DYNC2I1: variants seen among roughly 807,000 people sequenced by gnomAD.
DYNC2I1 encodes the protein dynein 2 intermediate chain 1.
A neutral mutation model predicts 133.4 loss-of-function variants in DYNC2I1; 89 were observed. The ratio of observed to expected loss-of-function variants is 0.67; its 90% CI spans 0.56 to 0.80. The LOEUF (loss-of-function observed/expected upper bound fraction) is 0.80, where lower values mean the gene tolerates loss of function less well. Ranked by LOEUF, DYNC2I1 falls within the 30% of genes least tolerant of loss-of-function variation. The pLI, the probability that DYNC2I1 is intolerant of heterozygous loss-of-function variation, is 0.00. For synonymous variants in DYNC2I1, 504 were observed against 484.3 expected (o/e 1.04, Z -0.54); for missense variants, 1,291 against 1,314.5 (o/e 0.98, Z 0.28).
At chr7:158,935,770 A>G (rs1261896147) in intron 23 of DYNC2I1, among the ~76,000 whole-genome samples, 1 of 152,246 alleles carries the variant, frequency 6.6e-6, no homozygotes, top group Non-Finnish European at 1.5e-5. Context: ...AAAAGAATGT[A>G]AAATGTCTCT....
intron 23 of DYNC2I1, among the ~76,000 whole-genome samples, chr7:158,938,307 G>A (rs972836582): frequency 6.6e-6 from 1 of 152,226 alleles, no homozygotes; most frequent in African/African-American, 2.4e-5. Flanking sequence ...CCAGGAGGGA[G>A]TAGAGTGACA....
downstream of DYNC2I1, among the ~76,000 whole-genome samples, chr7:158,947,150 C>T (rs10256002): frequency 7.8e-3 from 1,193 of 152,332 alleles, 10 homozygotes; most frequent in African/African-American, 0.023. Flanking sequence ...GTTCATCTTC[C>T]GTCTGCATCT....
the DYNC2I1 span, among the ~76,000 whole-genome samples, chr7:158,842,111 C>T: frequency 6.6e-6 from 1 of 152,202 alleles, no homozygotes; most frequent in Non-Finnish European, 1.5e-5. Context: ...TCACTGCAAG[C>T]TCCGCCTCCA....
At chr7:158,948,564 G>C (rs918573316), downstream of DYNC2I1, among the ~76,000 whole-genome samples, 3 of 134,814 alleles carry the variant, frequency 2.2e-5, no homozygotes, top group Admixed American at 7.5e-5. Context: ...GGGTGCTTCG[G>C]ACACGGGAGG....
chr7:158,947,475 T>C (rs2527204), downstream of DYNC2I1, among the ~76,000 whole-genome samples: 73,851 of 152,184 alleles, frequency 0.49, 18,510 homozygotes, highest in Non-Finnish European at 0.54. Flanking sequence ...TCAGCTATCA[T>C]CTGCAGTTCA....
At chr7:158,916,366 C>A (rs71547579) in intron 14 of DYNC2I1, among the ~76,000 whole-genome samples, 637 of 68,206 alleles carry the variant, frequency 9.3e-3, no homozygotes, top group Admixed American at 0.025. Context: ...TGTGAAACGT[C>A]GACACGCTGG....
At chr7:158,909,853 G>A (rs1183462759) in intron 11 of DYNC2I1, among the ~76,000 whole-genome samples, 3 of 152,178 alleles carry the variant, frequency 2.0e-5, no homozygotes, top group Non-Finnish European at 2.9e-5. Context: ...GAGCCTTCCG[G>A]TGGGAGAATT....
At chr7:158,917,222 G>C (rs903388830) in intron 14 of DYNC2I1, among the ~76,000 whole-genome samples, 1 of 112,564 alleles carries the variant, frequency 8.9e-6, no homozygotes, top group African/African-American at 3.6e-5. Flanking sequence ...TTGAGATTAA[G>C]GATGATTGTG....
intron 11 of DYNC2I1, among the ~76,000 whole-genome samples, chr7:158,911,317 G>A (rs1847449525): frequency 1.3e-5 from 2 of 152,112 alleles, no homozygotes; most frequent in Admixed American, 6.5e-5. Flanking sequence ...ACACACACAC[G>A]AGGCAGTCGG....
chr7:158,953,476 G>C (rs770279645), intron 4 of DYNC2I1, among the ~76,000 whole-genome samples: 2 of 152,220 alleles, frequency 1.3e-5, no homozygotes, highest in Non-Finnish European at 2.9e-5. Flanking sequence ...ATGGTACTTT[G>C]ATACAAATAT....
chr7:158,921,213 A>G (rs1849046559), intron 15 of DYNC2I1, among the ~76,000 whole-genome samples: 1 of 152,108 alleles, frequency 6.6e-6, no homozygotes, highest in Non-Finnish European at 1.5e-5. Context: ...AACCGGACGG[A>G]GATGAGAGAC....
At chr7:158,879,387 A>G (rs1843762561) in intron 4 of DYNC2I1, among the ~76,000 whole-genome samples, 1 of 152,148 alleles carries the variant, frequency 6.6e-6, no homozygotes, top group Non-Finnish European at 1.5e-5. Flanking sequence ...CAAGTCCCCC[A>G]TATAAAATGG....
chr7:158,926,675 C>A (rs1235063238), intron 19 of DYNC2I1, among the ~76,000 whole-genome samples: 1 of 152,226 alleles, frequency 6.6e-6, no homozygotes, highest in African/African-American at 2.4e-5. Flanking sequence ...GGGACTCTCA[C>A]ACAGGGCTTT....
At chr7:158,849,622 G>A in the DYNC2I1 span, among the ~76,000 whole-genome samples, 38 of 152,228 alleles carry the variant, frequency 2.5e-4, no homozygotes, top group African/African-American at 7.0e-4. Flanking sequence ...TTCTCACAGC[G>A]AGGAGGCCCT....
chr7:158,919,857 C>G (rs1357544605), intron 15 of DYNC2I1, among the ~76,000 whole-genome samples: 1 of 151,096 alleles, frequency 6.6e-6, no homozygotes, highest in Non-Finnish European at 1.5e-5. Context: ...CAGCAGACAC[C>G]AAGAAGGGAA....
chr7:158,926,997 T>G lies in DYNC2I1; in HGVS notation c.2439T>G (p.Val813=), dbSNP rs1438302757. ...DESGVLNVWV[V]VELPKADIAG... ...TTTCAATATTCTGTTTTTAGGTGGT[T>G]GTTGAATTACCAAAGGCAGACATCG... Residue 813 remains valine (V), a synonymous_variant, in exon 20 of 25, where the codon GTT becomes GTG. Coordinates refer to ENST00000407559, the MANE Select transcript of DYNC2I1 (RefSeq NM_018051.5). 2.5e-6 allele frequency: 4 copies of G among 1,602,116 alleles called. No individual in the cohort carries two copies. In the Admixed American group the frequency reaches 5.1e-5, roughly 20 times the overall value.
At chr7:158,843,616 A>C in the DYNC2I1 span, among the ~76,000 whole-genome samples, 2 of 151,640 alleles carry the variant, frequency 1.3e-5, no homozygotes. Flanking sequence ...GGCTGGTCAC[A>C]AACTCCTGAC....
At chr7:158,866,209 C>A (rs796757416) in intron 1 of DYNC2I1, among the ~76,000 whole-genome samples, 2 of 152,112 alleles carry the variant, frequency 1.3e-5, no homozygotes, top group African/African-American at 4.8e-5. Context: ...CCTCAGCGTC[C>A]CCTGTGTGCA....
At chr7:158,860,257 C>CCATGTTGGCCAGGCTGGTCTGGAACT (rs1841756180) in intron 1 of DYNC2I1, among the ~76,000 whole-genome samples, 1 of 152,030 alleles carries the variant, frequency 6.6e-6, no homozygotes. Flanking sequence ...CACGGTTTCA[C>CCATGTTGGCCAGGCTGGTCTGGAACT]CATGTTGGCC....
Sources: allele counts gnomAD v4.1 joint callset (sites outside exome capture counted in the v4.1 genomes callset), GRCh38; gene constraint gnomAD v4.1.1; transcripts MANE v1.5; gene names NCBI Gene and HGNC (gene_info 2026-07-23, HGNC 2026-07-21).